APOH: variants seen among roughly 807,000 people sequenced by gnomAD.
APOH encodes beta-2-glycoprotein 1.
Under a neutral mutation model 39.8 loss-of-function variants are expected in APOH, and 48 were observed. That is an observed-to-expected ratio of 1.21 (90% CI 0.96 to 1.54). The LOEUF (loss-of-function observed/expected upper bound fraction) is 1.54, where lower values mean the gene tolerates loss of function less well. Among genes scored for constraint, APOH ranks in the 40% most tolerant of loss-of-function variants. The pLI is 0.00. For synonymous variants in APOH, 153 were observed against 151.1 expected (o/e 1.01, Z -0.09); for missense variants, 415 against 421.2 (o/e 0.99, Z 0.13).
At chr17:66,221,178 G>A (rs987204758) in intron 4 of APOH, among the ~76,000 whole-genome samples, 1 of 150,528 alleles carries the variant, frequency 6.6e-6, no homozygotes, top group African/African-American at 2.5e-5. Flanking sequence ...GGGCAACAGA[G>A]TGAGTCTGTC....
At chr17:66,226,324 A>G (rs1287642616) in intron 2 of APOH, among the ~76,000 whole-genome samples, 200 bp from the exon 3 acceptor site, 3 of 152,256 alleles carry the variant, frequency 2.0e-5, no homozygotes, top group Non-Finnish European at 4.4e-5. Context: ...AGCGTTCATT[A>G]TACTGTTTCT....
chr17:66,229,281 TATTA>T (rs558289687), intron 1 of APOH, 31 bp downstream of exon 1: 243 of 1,558,082 alleles, frequency 1.6e-4, no homozygotes, highest in Non-Finnish European at 1.8e-4. Context: ...GGGTTGGATA[TATTA>T]ATTATTTTTT....
intron 2 of APOH, among the ~76,000 whole-genome samples, chr17:66,226,335 C>T (rs998687257): frequency 6.6e-6 from 1 of 152,152 alleles, no homozygotes; most frequent in Non-Finnish European, 1.5e-5. Context: ...TACTGTTTCT[C>T]CTAATAACAG....
intron 5 of APOH, 134 bp downstream of exon 5, chr17:66,220,420 C>T (rs2073390056): frequency 2.5e-6 from 2 of 813,446 alleles, no homozygotes; most frequent in South Asian, 3.4e-5. Context: ...CACTGCCTGG[C>T]ACATGGTAGA....
chr17:66,224,232 T>C (rs1182601562), intron 3 of APOH, among the ~76,000 whole-genome samples: 1 of 151,964 alleles, frequency 6.6e-6, no homozygotes, highest in Non-Finnish European at 1.5e-5. Context: ...TCCCAGCACT[T>C]TGGGAGGCCG....
At chr17:66,218,434 G>C (rs1028019944) in intron 5 of APOH, among the ~76,000 whole-genome samples, 1 of 151,872 alleles carries the variant, frequency 6.6e-6, no homozygotes, top group African/African-American at 2.4e-5. Flanking sequence ...TCAACCTCCT[G>C]AGCAGCTGAG....
intron 6 of APOH, 23 bp downstream of exon 6, chr17:66,216,765 G>A (rs1181885332): frequency 6.5e-7 from 1 of 1,545,620 alleles, no homozygotes; most frequent in Non-Finnish European, 8.7e-7. Context: ...AGATCTTACA[G>A]GACCTCGCCT....
At chr17:66,218,342 C>T (rs1329951132) in intron 5 of APOH, among the ~76,000 whole-genome samples, 2 of 151,858 alleles carry the variant, frequency 1.3e-5, no homozygotes, top group Non-Finnish European at 2.9e-5. Context: ...CAGAGTCTCA[C>T]TCTGTTGCCC....
chr17:66,228,831 C>CTTATTA (rs1263116115), intron 1 of APOH, among the ~76,000 whole-genome samples: 2 of 149,584 alleles, frequency 1.3e-5, no homozygotes, highest in Non-Finnish European at 3.0e-5. Flanking sequence ...AATTATTCTT[C>CTTATTA]TTCTTATTAT....
intron 3 of APOH, among the ~76,000 whole-genome samples, 165 bp downstream of exon 3, chr17:66,225,863 C>G: frequency 6.7e-6 from 1 of 148,198 alleles, no homozygotes. Context: ...GGCGACAGAG[C>G]GAGACTCCGT....
intron 2 of APOH, among the ~76,000 whole-genome samples, chr17:66,226,642 A>G (rs1194607441): frequency 1.4e-5 from 2 of 146,594 alleles, no homozygotes; most frequent in African/African-American, 2.5e-5. Flanking sequence ...AAAAAATTGG[A>G]TAGTCTAAGG....
rs1598551503 is a variant in APOH at position 66,220,586 on chromosome 17, T to C, written c.572A>G (p.His191Arg). 3 of 1,614,070 alleles carry C rather than the reference T, an allele frequency of 1.9e-6. No individual in the cohort carries two copies. The highest frequency in any genetic ancestry group is 2.5e-6 in the Non-Finnish European group (3 of 1,180,010). The change falls in exon 5 of 8, where the codon CAT (histidine) becomes CGT (arginine). Residue 191 changes from histidine to arginine, a missense_variant. His to Arg is a conservative substitution (Grantham distance 29, BLOSUM62 0). Around this residue, in one of 3 missense-constraint regions of APOH, gnomAD observed 288 missense variants for 284.9 expected, o/e 1.01. Transcript: ENST00000205948. ...FGNDTITCTT[H>R]GNWTKLPECR... ...TTCTGGTAATTTAGTCCAATTTCCA[T>C]GTGTCGTGCAGGTAATTGTATCATT...
chr17:66,215,110 A>G (rs1218505405), intron 6 of APOH, among the ~76,000 whole-genome samples: 1 of 152,184 alleles, frequency 6.6e-6, no homozygotes, highest in African/African-American at 2.4e-5. Context: ...CCAGGAGTTT[A>G]TGCAAACCAC....
intron 5 of APOH, 38 bp downstream of exon 5, chr17:66,220,516 G>A: frequency 6.3e-7 from 1 of 1,585,028 alleles, no homozygotes; most frequent in Non-Finnish European, 8.7e-7. Context: ...ATGGGATCTT[G>A]CCCTACCATG....
At chr17:66,227,912 C>A (rs2073449145) in intron 2 of APOH, 108 bp downstream of exon 2, 2 of 1,214,706 alleles carry the variant, frequency 1.6e-6, no homozygotes, top group Non-Finnish European at 2.3e-6. Flanking sequence ...TGGCTTTCTG[C>A]AGCATCTACT....
At chr17:66,215,009 G>A (rs758326741) in intron 6 of APOH, among the ~76,000 whole-genome samples, 5 of 151,716 alleles carry the variant, frequency 3.3e-5, no homozygotes, top group African/African-American at 4.8e-5. Flanking sequence ...TTAAGCAGGT[G>A]CATCTATCCA....
intron 3 of APOH, among the ~76,000 whole-genome samples, chr17:66,224,657 G>A (rs867896972): frequency 0.012 from 330 of 26,644 alleles, 28 homozygotes; most frequent in African/African-American, 0.056. Flanking sequence ...GGAAGGGAAG[G>A]GAAGGGAAGG....
intron 4 of APOH, 105 bp downstream of exon 4, chr17:66,223,593 C>A: frequency 2.1e-6 from 2 of 943,776 alleles, no homozygotes; most frequent in Admixed American, 1.9e-5. Flanking sequence ...GGTGACCATT[C>A]ATCTCATTGA....
intron 4 of APOH, among the ~76,000 whole-genome samples, chr17:66,223,159 G>A (rs373627343): frequency 6.6e-6 from 1 of 152,180 alleles, no homozygotes; most frequent in Non-Finnish European, 1.5e-5. Context: ...CGTCTGTCCC[G>A]TAAGTCACTA....
Sources: gnomAD v4.1 joint callset for allele counts (sites outside exome capture counted in the v4.1 genomes callset) on GRCh38, gnomAD v4.1.1 for gene constraint, gnomAD v4.1.1 regional missense constraint, MANE v1.5 for transcripts, NCBI Gene and HGNC (gene_info 2026-07-23, HGNC 2026-07-21) for gene names.